The following CCKBR variants were observed in gnomAD, a reference collection of about 807,000 sequenced individuals.
The protein encoded by CCKBR is cholecystokinin B receptor.
CCKBR carries 33 observed loss-of-function variants against 34.6 expected under a neutral mutation model. The ratio of observed to expected loss-of-function variants is 0.95; its 90% CI spans 0.72 to 1.27. CCKBR has a LOEUF of 1.27. Ranked by LOEUF, CCKBR falls within the 50% of genes most tolerant of loss-of-function variation. The pLI is 0.00. For missense variants in CCKBR, 652 were observed against 617.4 expected, an observed-to-expected ratio of 1.06 and a Z score of -0.59; for synonymous variants, 269 against 267.5, an observed-to-expected ratio of 1.01 and a Z score of -0.06.
rs765743297 is a variant in CCKBR, at chr11:6,271,529, C to T, written c.1330C>T (p.Leu444=). The T allele has an allele frequency of 1.3e-6, 2 of 1,596,142 alleles. No homozygotes were observed. Among genetic ancestry groups the T allele is most frequent in the Non-Finnish European group, 1.7e-6 (2 of 1,170,984 alleles). ...SRLSYTTIST[L]GPG Reference sequence around the variant, plus strand: ...GCTTAGCTACACCACCATCAGCACACTGGGCCCTGGCTGAGGAGTAGAGGG... The same window carrying T: ...GCTTAGCTACACCACCATCAGCACATTGGGCCCTGGCTGAGGAGTAGAGGG... Residue 444 remains leucine, a synonymous_variant, in exon 5 of 5, where the codon CTG becomes TTG. Coordinates refer to ENST00000334619, the MANE Select transcript of CCKBR (RefSeq NM_176875.4).
chr11:6,270,097 T>C lies in CCKBR; in HGVS notation c.413T>C (p.Val138Ala), dbSNP rs1258144253. 1 of 1,605,932 alleles carries C rather than the reference T, an allele frequency of 6.2e-7. No homozygotes were observed. Among genetic ancestry groups the C allele is most frequent in the African/African-American group, 1.3e-5 (1 of 74,928 alleles). The change falls in exon 3 of 5, where the codon GTG becomes GCG. Residue 138 changes from valine to alanine, a missense_variant. Coordinates refer to ENST00000334619, the MANE Select transcript of CCKBR (RefSeq NM_176875.4). ...KAVSYLMGVSVSVSTLSLVAI... is the reference protein window; with the variant it reads ...KAVSYLMGVSASVSTLSLVAI... ...CTCTTCCCTTGTTTAGGGGTGTCTGTGAGTGTGTCCACGCTAAGCCTCGTG... is the reference window on the plus strand; with the variant it reads ...CTCTTCCCTTGTTTAGGGGTGTCTGCGAGTGTGTCCACGCTAAGCCTCGTG...
At chr11:6,263,938 G>T (rs568088504) in intron 1 of CCKBR, among the ~76,000 whole-genome samples, 2 of 152,188 alleles carry the variant, frequency 1.3e-5, no homozygotes, top group Non-Finnish European at 2.9e-5. Flanking sequence ...GCTTCCTGAA[G>T]ATGTTACCTA....
intron 1 of CCKBR, chr11:6,264,583 A>C (rs559249392): frequency 2.9e-6 from 2 of 700,978 alleles, no homozygotes; most frequent in South Asian, 1.5e-5. Flanking sequence ...AGATGATGAG[A>C]TGATGCTCAC....
intron 2 of CCKBR, 67 bp downstream of exon 2, chr11:6,269,987 G>C (rs1848269034): frequency 2.9e-5 from 46 of 1,598,160 alleles, no homozygotes; most frequent in Non-Finnish European, 3.8e-5. Context: ...TGGATGTAGG[G>C]GTCTTCCCCG....
In CCKBR at chr11:6,261,470, C is replaced by T. The variant is rs368284128; in HGVS notation, c.151+1391C>T. ...AAAAAAAAAAATATATATACACACA[C>T]ACACACACACACACACACACACACA... On this transcript the variant is annotated intron_variant, in intron 1 of 4. Coordinates refer to ENST00000334619, the MANE Select transcript of CCKBR (RefSeq NM_176875.4). 1.4e-3 allele frequency among the ~76,000 whole-genome samples: 136 copies of T among 98,514 alleles called. 3 individuals carry two copies. The highest frequency in any genetic ancestry group is 3.2e-3 in the African/African-American group (93 of 29,176). The allele number at this position is 98,514 out of a possible 152,430, so 64.6% of individuals were successfully genotyped here. A position where few individuals can be genotyped will look rare whatever the true frequency, so the allele number is the denominator to read the frequency against.
intron 1 of CCKBR, among the ~76,000 whole-genome samples, chr11:6,261,051 G>A (rs1462297800): frequency 1.3e-5 from 2 of 152,176 alleles, no homozygotes. Context: ...AAAAGGGAAA[G>A]TTGGAATAAA....
chr11:6,262,166 G>T (rs1410343522), intron 1 of CCKBR, among the ~76,000 whole-genome samples: 1 of 152,184 alleles, frequency 6.6e-6, no homozygotes, highest in Non-Finnish European at 1.5e-5. Context: ...TCCAGGTGAG[G>T]TTACCTAGTA....
intron 1 of CCKBR, among the ~76,000 whole-genome samples, chr11:6,261,454 A>AAATATATAT (rs1447691939): frequency 2.8e-4 from 17 of 60,892 alleles, no homozygotes; most frequent in East Asian, 5.9e-4. Context: ...AAAAAAAAAA[A>AAATATATAT]ATATATATAC....
chr11:6,270,895 G>A (rs755490172), intron 4 of CCKBR, 92 bp downstream of exon 4: 20 of 1,611,110 alleles, frequency 1.2e-5, no homozygotes, highest in Non-Finnish European at 1.7e-5. Context: ...AAATGAAGGT[G>A]AGGGTGAGAA....
At position 6,271,078 on chromosome 11, in the gene CCKBR, C is replaced by T; in HGVS notation, c.879C>T (p.Cys293=). ...CGGTTGGCGAAGACAGCGATGGCTGCTACGTGCAACTTCCACGTTCCCGGC... is the reference window on the plus strand; with the variant it reads ...CGGTTGGCGAAGACAGCGATGGCTGTTACGTGCAACTTCCACGTTCCCGGC... The part of the protein sequence containing the change: ...TGAVGEDSDG[C]YVQLPRSRPA... Residue 293 remains cysteine, a synonymous_variant, in exon 5 of 5, where the codon TGC becomes TGT. Transcript: ENST00000334619. The T allele has an allele frequency of 6.2e-7, 1 of 1,614,178 alleles. No homozygotes were observed. Among genetic ancestry groups the T allele is most frequent in the Non-Finnish European group, 8.5e-7 (1 of 1,180,036 alleles).
In CCKBR at chr11:6,269,775, G is replaced by T. The variant is rs746830612; in HGVS notation, c.258G>T (p.Arg86Ser). 6.2e-7 allele frequency: 1 copy of T among 1,614,174 alleles called. No homozygotes were observed. Among genetic ancestry groups the T allele is most frequent in the Admixed American group, 1.7e-5 (1 of 60,022 alleles). Residue 86 changes from arginine to serine, a missense_variant, in exon 2 of 5, where the codon AGG becomes AGT. Coordinates refer to ENST00000334619, the MANE Select transcript of CCKBR (RefSeq NM_176875.4). ...IVVLGLSRRLRTVTNAFLLSL... is the reference protein window; with the variant it reads ...IVVLGLSRRLSTVTNAFLLSL... ...TCCTGGGACTGAGCCGCCGCCTGAG[G>T]ACTGTCACCAATGCCTTCCTCCTCT...
rs748531144 is a variant in CCKBR, at chr11:6,270,270, C to T, written c.586C>T (p.Gln196Ter). The change falls in exon 3 of 5, where the codon CAA becomes TAA. Residue 196 changes from glutamine to a stop codon, truncating the protein, a stop_gained. Coordinates refer to ENST00000334619, the MANE Select transcript of CCKBR (RefSeq NM_176875.4). LOFTEE classifies it high-confidence loss of function. ...GCCCTACCCCGTGTACACTGTCGTGCAACCAGTGGGGCCTCGTGTGCTGCA... is the reference window on the plus strand; with the variant it reads ...GCCCTACCCCGTGTACACTGTCGTGTAACCAGTGGGGCCTCGTGTGCTGCA... ...MVPYPVYTVV[Q>*]PVGPRVLQCV... is the part of the protein sequence containing the mutation. The T allele has an allele frequency of 5.0e-6, 8 of 1,613,290 alleles. No homozygotes were observed. Among genetic ancestry groups the T allele is most frequent in the Non-Finnish European group, 5.1e-6 (6 of 1,180,046 alleles).
At chr11:6,267,484 C>G (rs527825301) in intron 1 of CCKBR, among the ~76,000 whole-genome samples, 1 of 152,278 alleles carries the variant, frequency 6.6e-6, no homozygotes, top group African/African-American at 2.4e-5. Flanking sequence ...AGGGCAACAC[C>G]ACACATGGAG....
At chr11:6,270,848 T>C in intron 4 of CCKBR, 45 bp downstream of exon 4, 1 of 1,613,510 alleles carries the variant, frequency 6.2e-7, no homozygotes, top group Non-Finnish European at 8.5e-7. Flanking sequence ...GGCGGAGCTT[T>C]GGAGGGCGAC....
intron 3 of CCKBR, 24 bp downstream of exon 3, chr11:6,270,361 T>G: frequency 6.3e-7 from 1 of 1,599,064 alleles, no homozygotes; most frequent in Non-Finnish European, 8.5e-7. Flanking sequence ...TAAACTATCC[T>G]AGGAATTCCT....
intron 1 of CCKBR, 83 bp from the exon 2 acceptor site, chr11:6,269,586 G>C (rs1474033873): frequency 1.3e-6 from 2 of 1,509,098 alleles, no homozygotes; most frequent in South Asian, 2.4e-5. Flanking sequence ...TGGGTAGTGA[G>C]GGTTGGGGAT....
At chr11:6,262,272 G>A (rs746927805) in intron 1 of CCKBR, among the ~76,000 whole-genome samples, 12 of 152,060 alleles carry the variant, frequency 7.9e-5, no homozygotes, top group Non-Finnish European at 1.5e-4. Flanking sequence ...TAGAAGCCCC[G>A]AGAATAGTTA....
At position 6,271,828 on chromosome 11, in the gene CCKBR, T is replaced by C; in HGVS notation, c.*285T>C. ...CTAGCAGTGAACTATTTCTACACAG[T>C]GGGAACTCTGACAAGGGCTGACCTG... On this transcript the variant is annotated 3_prime_UTR_variant, in exon 5 of 5. Coordinates refer to ENST00000334619, the MANE Select transcript of CCKBR (RefSeq NM_176875.4). 2.5e-6 allele frequency: 1 copy of C among 405,028 alleles called. No individual in the cohort carries two copies. The highest frequency in any genetic ancestry group is 3.9e-5 in the East Asian group (1 of 25,918). 25.1% of individuals were successfully genotyped at this position (405,028 alleles called of 1,614,324 possible).
In CCKBR at chr11:6,261,460, T is replaced by TACAC. The variant is rs1424116518; in HGVS notation, c.151+1382_151+1383insCACA. Among the ~76,000 whole-genome samples, 13 of 34,396 alleles carry TACAC rather than the reference T, an allele frequency of 3.8e-4. 1 individual carries two copies. The highest frequency in any genetic ancestry group is 9.9e-4 in the African/African-American group (12 of 12,084). The allele number at this position is 34,396 out of a possible 152,430, so 22.6% of individuals were successfully genotyped here. A position where few individuals can be genotyped will look rare whatever the true frequency, so the allele number is the denominator to read the frequency against. The stretch of plus-strand genomic sequence containing the variant: ...AAAAAAAAAAAAAAAAAAAAATATA[T>TACAC]ATACACACACACACACACACACACA... On this transcript the variant is annotated intron_variant, in intron 1 of 4. Transcript: ENST00000334619.
Sources: allele counts gnomAD v4.1 joint callset (sites outside exome capture counted in the v4.1 genomes callset), GRCh38; gene constraint gnomAD v4.1.1; transcripts MANE v1.5; gene names NCBI Gene and HGNC (gene_info 2026-07-23, HGNC 2026-07-21).